Variants in ZZEF1 observed in about 807,000 individuals in gnomAD.
ZZEF1 encodes zinc finger ZZ-type and EF-hand domain-containing protein 1.
In ZZEF1, 157 loss-of-function variants were observed where a neutral mutation model predicts 342.8. That is an observed-to-expected ratio of 0.46 (90% CI 0.40 to 0.52). ZZEF1 has a LOEUF of 0.52. ZZEF1 is among the 20% of genes least tolerant of loss of function. The pLI, the probability that ZZEF1 is intolerant of heterozygous loss-of-function variation, is 0.00. For synonymous variants in ZZEF1, 1,505 were observed against 1,429.1 expected, an observed-to-expected ratio of 1.05 and a Z score of -1.20; for missense variants, 3,480 against 3,725.6, an observed-to-expected ratio of 0.93 and a Z score of 1.72.
Position 4,112,774 on chromosome 17 carries a change from G to T in ZZEF1, c.901C>A (p.Leu301Met). 6.3e-7 allele frequency: 1 copy of T among 1,598,876 alleles called. No homozygotes were observed. Among genetic ancestry groups the T allele is most frequent in the Non-Finnish European group, 8.5e-7 (1 of 1,169,790 alleles). The change falls in exon 5 of 55, where the codon CTG becomes ATG. Residue 301 changes from leucine (L) to methionine (M), a missense_variant. Leu to Met is a conservative substitution (Grantham distance 15, BLOSUM62 2). Transcript: ENST00000381638. ...KMKPDVVLRH[L>M]SIAVAATDQS... is the part of the protein sequence containing the mutation. ...TCAGTGGCAGCCACTGCAATGGACA[G>T]GTGCCTAAGCACAACATCTGGCTTC...
intron 42 of ZZEF1, among the ~76,000 whole-genome samples, chr17:4,026,314 G>T (rs1280021529): frequency 1.3e-5 from 2 of 152,074 alleles, no homozygotes; most frequent in African/African-American, 4.8e-5. Context: ...CAAATTTGAT[G>T]AAAACTGTAA....
At position 4,016,157 on chromosome 17, in the gene ZZEF1, G is replaced by A. The variant is rs904726438; in HGVS notation, c.8145+166C>T. Among the ~76,000 whole-genome samples the A allele has an allele frequency of 1.3e-5, 2 of 152,218 alleles. No homozygotes were observed. Among genetic ancestry groups the A allele is most frequent in the Non-Finnish European group, 2.9e-5 (2 of 68,028 alleles). On this transcript the variant is annotated intron_variant, in intron 49 of 54. Transcript: ENST00000381638. This position sits in a 1 kb window ranked among gnomAD's most constrained non-coding sequence, Gnocchi z 4.4. ...CTTGTACAGAATCCCTGGCCTCAGG[G>A]AGGCAGACTGCAGTTTGTTCAAGGA...
At position 4,049,728 on chromosome 17, in the gene ZZEF1, C is replaced by T. The variant is rs1435474398; in HGVS notation, c.5995G>A (p.Glu1999Lys). The T allele has an allele frequency of 6.2e-7, 1 of 1,614,134 alleles. No individual in the cohort carries two copies. The highest frequency in any genetic ancestry group is 1.7e-5 in the Admixed American group (1 of 60,020). Reference protein sequence around the residue: ...QLEKKAVQGAELSEAGNGKRA... With the variant: ...QLEKKAVQGAKLSEAGNGKRA... The stretch of plus-strand genomic sequence containing the variant: ...TTTACATTGCCTGCTTCTGACAGCT[C>T]AGCACCCTGGACAGCTTTCTTCTCT... The change falls in exon 37 of 55, where the codon GAG becomes AAG. Residue 1999 changes from glutamate (E) to lysine (K), a missense_variant. Around this residue, in one of 5 missense-constraint regions of ZZEF1, gnomAD observed 1,269 missense variants for 1,342.4 expected, o/e 0.95. Coordinates refer to ENST00000381638, the MANE Select transcript of ZZEF1 (RefSeq NM_015113.4).
chr17:4,139,017 T>C (rs1478452350), intron 1 of ZZEF1, among the ~76,000 whole-genome samples: 2 of 142,698 alleles, frequency 1.4e-5, no homozygotes, highest in African/African-American at 5.5e-5. Flanking sequence ...GTAACTGAGG[T>C]CACAGGAATG....
intron 39 of ZZEF1, among the ~76,000 whole-genome samples, chr17:4,038,219 A>G (rs1198534919): frequency 1.3e-5 from 2 of 152,216 alleles, no homozygotes; most frequent in Non-Finnish European, 2.9e-5. Flanking sequence ...GAACCGGTAC[A>G]AACATTGCAG....
intron 20 of ZZEF1, 34 bp downstream of exon 20, chr17:4,076,834 C>T (rs764086164): frequency 1.2e-5 from 20 of 1,613,512 alleles, no homozygotes; most frequent in African/African-American, 9.3e-5. Context: ...AACCCCCTTC[C>T]GGTTCTTTAC....
intron 7 of ZZEF1, 44 bp downstream of exon 7, chr17:4,105,649 A>G: frequency 7.3e-7 from 1 of 1,362,414 alleles, no homozygotes; most frequent in South Asian, 1.2e-5. Flanking sequence ...GCATACGTGC[A>G]CTCCATTCCT....
At chr17:4,082,108 T>G (rs979162085) in intron 17 of ZZEF1, among the ~76,000 whole-genome samples, 4 of 152,192 alleles carry the variant, frequency 2.6e-5, no homozygotes, top group African/African-American at 9.7e-5. Context: ...ATTCTGGGCT[T>G]CTGTAGCTGG....
intron 23 of ZZEF1, 112 bp from the exon 24 acceptor site, chr17:4,074,463 C>G: frequency 1.8e-6 from 2 of 1,125,636 alleles, no homozygotes; most frequent in Non-Finnish European, 2.6e-6. Flanking sequence ...TCTCTATTTC[C>G]ACATGTCCAA....
At chr17:4,110,709 CTT>C (rs1240075616) in intron 5 of ZZEF1, among the ~76,000 whole-genome samples, 8 of 126,992 alleles carry the variant, frequency 6.3e-5, no homozygotes, top group Middle Eastern at 4.2e-3. Context: ...AAAATTACGG[CTT>C]TTTTTTTTTT....
chr17:4,082,431 G>A lies in ZZEF1; in HGVS notation c.2714+6C>T. 1 of 1,613,870 alleles carries A rather than the reference G, an allele frequency of 6.2e-7. No homozygotes were observed. The highest frequency in any genetic ancestry group is 1.1e-5 in the South Asian group (1 of 91,062). On this transcript the variant is annotated splice_donor_region_variant and intron_variant, in intron 17 of 54. Coordinates refer to ENST00000381638, the MANE Select transcript of ZZEF1 (RefSeq NM_015113.4). ...ATCCGACAATTAAAAAGAACGATCA[G>A]CTTACCTAAAATACGTGCACAGTGA... is the stretch of plus-strand genomic sequence containing the variant.
chr17:4,025,033 A>T lies in ZZEF1; in HGVS notation c.6978T>A (p.Phe2326Leu), dbSNP rs759249867. ...GCAGAAGGTGACTGGCGATAAAGGC[A>T]AAGTGCTGGGAGTACTGGCTCAGCT... ...RAQLSQYSQH[F>L]AFIASHLLQS... is the part of the protein sequence containing the mutation. The change falls in exon 43 of 55, where the codon TTT becomes TTA. Residue 2326 changes from phenylalanine to leucine, a missense_variant. By Grantham distance (22) the Phe-to-Leu change is conservative (BLOSUM62 0). Transcript: ENST00000381638. 2 of 1,614,206 alleles carry T rather than the reference A, an allele frequency of 1.2e-6. No homozygotes were observed. The highest frequency in any genetic ancestry group is 1.7e-6 in the Non-Finnish European group (2 of 1,180,036).
At chr17:4,011,476 A>G (rs913725308) in intron 52 of ZZEF1, among the ~76,000 whole-genome samples, 2 of 151,924 alleles carry the variant, frequency 1.3e-5, no homozygotes, top group African/African-American at 4.8e-5. Context: ...AGATGCTTGC[A>G]AGGTTGCTCA....
At chr17:4,081,522 G>T in intron 17 of ZZEF1, 32 bp from the exon 18 acceptor site, 1 of 1,535,362 alleles carries the variant, frequency 6.5e-7, no homozygotes, top group Non-Finnish European at 9.0e-7. Context: ...ATGACACCTG[G>T]CTTCAGGAGA....
At chr17:4,105,618 T>G (rs1008585538) in intron 7 of ZZEF1, 75 bp downstream of exon 7, 1 of 1,108,602 alleles carries the variant, frequency 9.0e-7, no homozygotes. Flanking sequence ...GATTAATATA[T>G]ATTTTTTAAA....
intron 26 of ZZEF1, 67 bp from the exon 27 acceptor site, chr17:4,067,309 C>CA (rs1216444524): frequency 7.6e-7 from 1 of 1,313,786 alleles, no homozygotes; most frequent in South Asian, 1.3e-5. Context: ...ACATTAAGCA[C>CA]AAAAAATCTA....
chr17:4,109,782 C>T lies in ZZEF1; in HGVS notation c.1148G>A (p.Arg383Lys). 1 of 1,614,184 alleles carries T rather than the reference C, an allele frequency of 6.2e-7. No homozygotes were observed. Among genetic ancestry groups the T allele is most frequent in the Non-Finnish European group, 8.5e-7 (1 of 1,180,032 alleles). ...GACTGAGACCCCAGACTTCTTAACT[C>T]TCTGAAAGCCAACAGCCCTGAGACC... ...IHGLRAVGFQRVKKSGVSVSD... is the reference protein window; with the variant it reads ...IHGLRAVGFQKVKKSGVSVSD... The change falls in exon 6 of 55, where the codon AGA (arginine) becomes AAA (lysine). Residue 383 changes from arginine to lysine, a missense_variant. Arg to Lys is a conservative substitution (Grantham distance 26). Coordinates refer to ENST00000381638, the MANE Select transcript of ZZEF1 (RefSeq NM_015113.4).
chr17:4,042,404 A>C, intron 39 of ZZEF1, 25 bp downstream of exon 39: 2 of 1,600,422 alleles, frequency 1.2e-6, no homozygotes, highest in Non-Finnish European at 1.7e-6. Context: ...CACCACCCCC[A>C]CTTTTAAAAA....
Position 4,008,088 on chromosome 17 carries a change from C to T in ZZEF1, c.8805+795G>A, listed in dbSNP as rs142066425. 2.5e-4 allele frequency among the ~76,000 whole-genome samples: 38 copies of T among 152,100 alleles called. No homozygotes were observed. The highest frequency in any genetic ancestry group is 6.5e-4 in the African/African-American group (27 of 41,472). Reference sequence around the variant, plus strand: ...AAGGTTCATTTTTGACTTTCCTTCTCCTGAGTATATGGTGGAGTGTTCCAG... The same window carrying T: ...AAGGTTCATTTTTGACTTTCCTTCTTCTGAGTATATGGTGGAGTGTTCCAG... On this transcript the variant is annotated intron_variant, in intron 54 of 54. Transcript: ENST00000381638. This position sits in a 1 kb window ranked among gnomAD's most constrained non-coding sequence, Gnocchi z 4.2.
Sources: gnomAD v4.1 joint callset for allele counts (sites outside exome capture counted in the v4.1 genomes callset) on GRCh38, gnomAD v4.1.1 for gene constraint, gnomAD v4.1.1 regional missense constraint, Gnocchi (gnomAD v3.1) non-coding constraint, MANE v1.5 for transcripts, NCBI Gene and HGNC (gene_info 2026-07-23, HGNC 2026-07-21) for gene names.